MTBP: variants seen among roughly 807,000 people sequenced by gnomAD.
The protein encoded by MTBP is MDM2 binding protein.
In MTBP, 101 loss-of-function variants were observed where a neutral mutation model predicts 117.0. That is an observed-to-expected ratio of 0.86 (90% CI 0.73 to 1.02). MTBP has a LOEUF of 1.02. Among genes scored for constraint, MTBP ranks in the 50% least tolerant of loss-of-function variants. MTBP has a pLI of 0.00. For missense variants in MTBP, 970 were observed against 1,030.9 expected (o/e 0.94, Z 0.81); for synonymous variants, 350 against 351.5 (o/e 1.00, Z 0.05).
chr8:120,481,296 A>G (rs1430932933), intron 11 of MTBP, among the ~76,000 whole-genome samples: 2 of 152,252 alleles, frequency 1.3e-5, no homozygotes, highest in Admixed American at 6.5e-5. Context: ...ACTTGGCTGT[A>G]CAACCCAGCC....
rs761114430 is a variant in MTBP, at chr8:120,506,714, C to T, written c.1736C>T (p.Ser579Leu). The change falls in exon 16 of 22, where the codon TCA becomes TTA. Residue 579 changes from serine to leucine, a missense_variant. Coordinates refer to ENST00000305949, the MANE Select transcript of MTBP (RefSeq NM_022045.5). ...EKTKQKMRTGSLPHSSEQLLG... is the reference protein window; with the variant it reads ...EKTKQKMRTGLLPHSSEQLLG... ...TAACATTATTTTCCCAGAACTGGTT[C>T]ATTACCTCATTCATCTGAACAGTTG... The T allele has an allele frequency of 6.2e-7, 1 of 1,603,582 alleles. No individual in the cohort carries two copies. Among genetic ancestry groups the T allele is most frequent in the African/African-American group, 1.3e-5 (1 of 74,118 alleles).
At chr8:120,448,426 ATCTC>A (rs1563781463) in intron 2 of MTBP, among the ~76,000 whole-genome samples, 1 of 152,000 alleles carries the variant, frequency 6.6e-6, no homozygotes, top group African/African-American at 2.4e-5. Flanking sequence ...GTGTTTCTTT[ATCTC>A]TCTCTTTTTA....
Position 120,489,952 on chromosome 8 carries a change from A to G in MTBP, c.1340-511A>G, listed in dbSNP as rs561267740. Among the ~76,000 whole-genome samples, 3 of 152,328 alleles carry G rather than the reference A, an allele frequency of 2.0e-5. No individual in the cohort carries two copies. In the East Asian group the frequency reaches 5.8e-4, roughly 29 times the overall value. On this transcript the variant is annotated intron_variant, in intron 12 of 21. Transcript: ENST00000305949. ...CTGGGCAGTTCCTCCCTATTTCAAGATAGTACATTTCCAGTGCATTCTGCA... is the reference window on the plus strand; with the variant it reads ...CTGGGCAGTTCCTCCCTATTTCAAGGTAGTACATTTCCAGTGCATTCTGCA...
chr8:120,498,431 T>G (rs538918536), intron 14 of MTBP, among the ~76,000 whole-genome samples: 1 of 152,298 alleles, frequency 6.6e-6, no homozygotes, highest in South Asian at 2.1e-4. Context: ...ATGGGGCATG[T>G]GTTCAATAAG....
chr8:120,510,167 T>C (rs1814770417), intron 17 of MTBP, 138 bp downstream of exon 17: 1 of 536,226 alleles, frequency 1.9e-6, no homozygotes, highest in Admixed American at 3.3e-5. Flanking sequence ...AGCAAAGTAG[T>C]GCATACAAAA....
chr8:120,450,982 T>C (rs746196840), intron 2 of MTBP, 21 bp from the exon 3 acceptor site: 37 of 1,585,352 alleles, frequency 2.3e-5, no homozygotes, highest in Non-Finnish European at 2.8e-5. Flanking sequence ...TTTTTAATAA[T>C]AATGTGGTTT....
intron 8 of MTBP, 26 bp downstream of exon 8, chr8:120,459,375 G>C: frequency 6.3e-7 from 1 of 1,578,310 alleles, no homozygotes; most frequent in African/African-American, 1.4e-5. Flanking sequence ...TTTTTTGTGT[G>C]ATCATTCATG....
chr8:120,506,646 T>C, intron 15 of MTBP, 60 bp from the exon 16 acceptor site: 1 of 1,202,654 alleles, frequency 8.3e-7, no homozygotes, highest in Non-Finnish European at 1.1e-6. Context: ...TTTTTTTGAC[T>C]CTGGCTTCTC....
chr8:120,480,910 T>C (rs781669211), intron 11 of MTBP, among the ~76,000 whole-genome samples: 1 of 152,088 alleles, frequency 6.6e-6, no homozygotes, highest in Non-Finnish European at 1.5e-5. Context: ...TTAAAAACAA[T>C]CTACTTAAAG....
At chr8:120,489,983 T>C (rs1238811311) in intron 12 of MTBP, among the ~76,000 whole-genome samples, 1 of 152,200 alleles carries the variant, frequency 6.6e-6, no homozygotes, top group Non-Finnish European at 1.5e-5. Flanking sequence ...CTGCAGTTAT[T>C]CTGAGTAAAA....
chr8:120,465,525 G>A (rs1813667515), intron 10 of MTBP, among the ~76,000 whole-genome samples: 1 of 151,722 alleles, frequency 6.6e-6, no homozygotes, highest in East Asian at 1.9e-4. Context: ...CCCAAATGAT[G>A]GACACACATA....
At chr8:120,494,408 G>A (rs1165019967) in intron 13 of MTBP, among the ~76,000 whole-genome samples, 1 of 152,174 alleles carries the variant, frequency 6.6e-6, no homozygotes, top group African/African-American at 2.4e-5. Context: ...CATGGATATA[G>A]TTTGAAAAAT....
At position 120,523,464 on chromosome 8, in the gene MTBP, GA is replaced by G. The variant is rs1815037976; in HGVS notation, c.*130del. On this transcript the variant is annotated 3_prime_UTR_variant, in exon 22 of 22. Coordinates refer to ENST00000305949, the MANE Select transcript of MTBP (RefSeq NM_022045.5). ...AAAGAATAGATGTTATATTTCTAAA[GA>G]ATTTCATGAATATATATTCTATATT... The G allele has an allele frequency of 2.1e-6, 1 of 479,648 alleles. No individual in the cohort carries two copies. Among genetic ancestry groups the G allele is most frequent in the South Asian group, 4.9e-5 (1 of 20,426 alleles). 29.7% of individuals were successfully genotyped at this position (479,648 alleles called of 1,614,324 possible).
At chr8:120,515,252 GC>G (rs1258804625) in intron 17 of MTBP, among the ~76,000 whole-genome samples, 1 of 152,006 alleles carries the variant, frequency 6.6e-6, no homozygotes, top group Non-Finnish European at 1.5e-5. Flanking sequence ...AGGTCACACA[GC>G]TCCTAGGTGA....
chr8:120,518,869 C>T, intron 20 of MTBP, 52 bp downstream of exon 20: 1 of 1,239,974 alleles, frequency 8.1e-7, no homozygotes, highest in Non-Finnish European at 1.1e-6. Flanking sequence ...TCTAATGTTC[C>T]TGTTTGACAT....
chr8:120,502,071 A>T (rs549461206), intron 14 of MTBP, among the ~76,000 whole-genome samples: 45 of 152,200 alleles, frequency 3.0e-4, no homozygotes, highest in Non-Finnish European at 6.0e-4. Flanking sequence ...CTCTTTTTAA[A>T]CAATGTAATT....
intron 4 of MTBP, chr8:120,451,559 T>A (rs1028520295): frequency 1.5e-4 from 60 of 398,402 alleles, no homozygotes; most frequent in Middle Eastern, 7.4e-4. Flanking sequence ...AACATGTTCC[T>A]TTCTTGAAGA....
At chr8:120,490,440 C>CA (rs1814319853) in intron 12 of MTBP, 23 bp from the exon 13 acceptor site, 19 of 1,321,558 alleles carry the variant, frequency 1.4e-5, no homozygotes, top group Non-Finnish European at 2.0e-5. Context: ...TAATGTTGAC[C>CA]TTTTTTTTTT....
intron 11 of MTBP, among the ~76,000 whole-genome samples, chr8:120,483,054 A>G (rs189961480): frequency 6.6e-6 from 1 of 150,518 alleles, no homozygotes; most frequent in Non-Finnish European, 1.5e-5. Context: ...AAATTGAGCC[A>G]CAGTCATTTT....
Sources: gnomAD v4.1 joint callset for allele counts (sites outside exome capture counted in the v4.1 genomes callset) on GRCh38, gnomAD v4.1.1 for gene constraint, MANE v1.5 for transcripts, NCBI Gene and HGNC (gene_info 2026-07-23, HGNC 2026-07-21) for gene names.